The following DAB1 variants were observed in gnomAD, a reference collection of about 807,000 sequenced individuals.
DAB1 encodes the protein DAB adaptor protein 1.
A neutral mutation model predicts 64.6 loss-of-function variants in DAB1; 15 were observed. The ratio of observed to expected loss-of-function variants is 0.23; its 90% confidence interval spans 0.16 to 0.36. The LOEUF is 0.36. Ranked by LOEUF, DAB1 falls within the 10% of genes least tolerant of loss-of-function variation. The pLI, the probability that DAB1 is intolerant of heterozygous loss-of-function variation, is 1.00. For synonymous variants in DAB1, 235 were observed against 251.9 expected, an observed-to-expected ratio of 0.93 and a Z score of 0.64; for missense variants, 596 against 706.7, an observed-to-expected ratio of 0.84 and a Z score of 1.78.
At chr1:57,799,855 G>A (rs1239903597) in intron 6 of DAB1, among the ~76,000 whole-genome samples, 1 of 152,104 alleles carries the variant, frequency 6.6e-6, no homozygotes, top group Non-Finnish European at 1.5e-5. Flanking sequence ...TGTGCTTACT[G>A]TATGTAGCTG....
chr1:57,143,029 A>G (rs1658764433), intron 3 of DAB1, among the ~76,000 whole-genome samples: 1 of 152,162 alleles, frequency 6.6e-6, no homozygotes, highest in Non-Finnish European at 1.5e-5. Context: ...CTTGGGATGG[A>G]AGGTATGGCT....
At chr1:58,138,670 A>G (rs1025287938) in intron 5 of DAB1, among the ~76,000 whole-genome samples, 31 of 152,214 alleles carry the variant, frequency 2.0e-4, no homozygotes, top group African/African-American at 7.2e-4. Context: ...TAGAAAAACA[A>G]TGCAATAAAG....
At chr1:57,426,859 A>ATATATATATAT (rs1685303539), upstream of DAB1, among the ~76,000 whole-genome samples, 3 of 122,792 alleles carry the variant, frequency 2.4e-5, no homozygotes, top group African/African-American at 6.2e-5. Flanking sequence ...TAAATGAGAT[A>ATATATATATAT]ATATATATAT....
chr1:58,117,061 T>C (rs1002901678), intron 5 of DAB1, among the ~76,000 whole-genome samples: 3 of 152,216 alleles, frequency 2.0e-5, no homozygotes, highest in South Asian at 2.1e-4. Flanking sequence ...AAATGCTCTG[T>C]TCATCTATTG....
intron 3 of DAB1, among the ~76,000 whole-genome samples, chr1:58,397,103 G>A (rs1432473835): frequency 6.6e-6 from 1 of 151,878 alleles, no homozygotes; most frequent in African/African-American, 2.4e-5. Flanking sequence ...GAAACAGAGA[G>A]GGCAAGAGAG....
In DAB1 at chr1:58,361,395, A is replaced by G. The variant is rs548648535; in HGVS notation, n.258-17992T>C. Among the ~76,000 whole-genome samples the G allele has an allele frequency of 7.9e-5, 12 of 152,086 alleles. No homozygotes were observed. In the South Asian group the frequency reaches 2.5e-3, roughly 32 times the overall value. On this transcript the variant is annotated intron_variant and non_coding_transcript_variant, in intron 3 of 20. Transcript: ENST00000485760. ...GGACCGGCTTTCATTGTGTCCATAA[A>G]CCCCCACTATCATGCAATGACCCAC...
chr1:57,674,302 T>C (rs1646541145), intron 6 of DAB1, among the ~76,000 whole-genome samples: 3 of 152,200 alleles, frequency 2.0e-5, no homozygotes, highest in Admixed American at 2.0e-4. Context: ...TTGTGAGATA[T>C]TATGATTGCC....
chr1:58,081,434 A>G (rs1413176048), intron 5 of DAB1, among the ~76,000 whole-genome samples: 2 of 152,222 alleles, frequency 1.3e-5, no homozygotes, highest in African/African-American at 4.8e-5. Context: ...TCCAGAACCT[A>G]TGCTGATGGA....
intron 1 of DAB1, among the ~76,000 whole-genome samples, chr1:57,404,204 T>A (rs561482839): frequency 7.0e-4 from 107 of 152,338 alleles, no homozygotes; most frequent in African/African-American, 2.2e-3. Context: ...ATTTAGAAAC[T>A]GTTTTTAAAG....
chr1:57,186,652 C>T (rs562491289), intron 2 of DAB1, among the ~76,000 whole-genome samples: 154 of 152,268 alleles, frequency 1.0e-3, no homozygotes, highest in African/African-American at 3.3e-3. Context: ...CTGAAATGCA[C>T]GCGTCAGCAT....
rs115728279 is a variant in DAB1, at chr1:58,253,042, A to C, written n.309+90310T>G. On this transcript the variant is annotated intron_variant and non_coding_transcript_variant, in intron 4 of 20. Transcript: ENST00000485760. Reference sequence around the variant, plus strand: ...ACTCACTACTGCTGGGTTGGAAATCAGGGAGAGAACAGATGCTAGTGGATG... The same window carrying C: ...ACTCACTACTGCTGGGTTGGAAATCCGGGAGAGAACAGATGCTAGTGGATG... Among the ~76,000 whole-genome samples, 1,404 of 152,326 alleles carry C rather than the reference A, an allele frequency of 9.2e-3. 23 individuals are homozygous for C. The highest frequency in any genetic ancestry group is 0.031 in the African/African-American group (1,304 of 41,564).
At chr1:57,800,037 G>A (rs892087381) in intron 6 of DAB1, among the ~76,000 whole-genome samples, 1 of 152,100 alleles carries the variant, frequency 6.6e-6, no homozygotes, top group Non-Finnish European at 1.5e-5. Context: ...TAAACACTAC[G>A]ATCAATTGTG....
At chr1:58,282,202 C>G (rs531305448) in intron 4 of DAB1, among the ~76,000 whole-genome samples, 2 of 152,308 alleles carry the variant, frequency 1.3e-5, no homozygotes, top group Non-Finnish European at 2.9e-5. Flanking sequence ...GAAGCCTTCC[C>G]TGAGTATCTC....
intron 7 of DAB1, among the ~76,000 whole-genome samples, chr1:57,551,218 C>T (rs976457603): frequency 1.3e-5 from 2 of 152,176 alleles, no homozygotes; most frequent in African/African-American, 4.8e-5. Flanking sequence ...GGTGTGCCAC[C>T]TATTTGCAGT....
intron 7 of DAB1, among the ~76,000 whole-genome samples, chr1:57,451,878 G>A (rs1686383281): frequency 6.6e-6 from 1 of 152,156 alleles, no homozygotes. Flanking sequence ...TGTGCTGGAA[G>A]ATCCAGTCTG....
chr1:58,401,462 A>G (rs1644567851), intron 3 of DAB1, among the ~76,000 whole-genome samples: 1 of 151,366 alleles, frequency 6.6e-6, no homozygotes, highest in South Asian at 2.1e-4. Context: ...TTTGCTCACA[A>G]AACTGTAATC....
intron 13 of DAB1, 76 bp downstream of exon 13, chr1:57,011,069 C>T: frequency 6.4e-7 from 1 of 1,571,126 alleles, no homozygotes; most frequent in Non-Finnish European, 8.7e-7. Context: ...TAGGCTTCCT[C>T]ATGCATTATC....
At position 57,693,034 on chromosome 1, in the gene DAB1, G is replaced by C. The variant is rs1370952745; in HGVS notation, n.552-43369C>G. Among the ~76,000 whole-genome samples the C allele has an allele frequency of 2.0e-5, 3 of 150,870 alleles. No homozygotes were observed. In the East Asian group the frequency reaches 5.9e-4, roughly 29 times the overall value. ...TATTTTTAACCTCCTTGTCAAATTT[G>C]TTTCCTCTAGGATCAAGGCCATCAA... On this transcript the variant is annotated intron_variant and non_coding_transcript_variant, in intron 6 of 20. Coordinates refer to the DAB1 transcript ENST00000485760.
intron 2 of DAB1, among the ~76,000 whole-genome samples, chr1:57,197,376 CTT>C (rs1664717028): frequency 1.3e-5 from 2 of 150,686 alleles, no homozygotes; most frequent in Admixed American, 1.3e-4. Context: ...AGTTCAAAAA[CTT>C]GACCGAAACC....
Sources: gnomAD v4.1 joint callset for allele counts (sites outside exome capture counted in the v4.1 genomes callset) on GRCh38, gnomAD v4.1.1 for gene constraint, MANE v1.5 for transcripts, NCBI Gene and HGNC (gene_info 2026-07-23, HGNC 2026-07-21) for gene names.